The following SLC12A1 variants were observed in gnomAD, a reference collection of about 807,000 sequenced individuals.
The protein encoded by SLC12A1 is solute carrier family 12 member 1, also known as Na-K-2Cl cotransporter.
Under a neutral mutation model 130.4 loss-of-function variants are expected in SLC12A1, and 89 were observed. That is an observed-to-expected ratio of 0.68 (90% CI 0.58 to 0.81). SLC12A1 has a LOEUF of 0.81. Ranked by LOEUF, SLC12A1 falls within the 40% of genes least tolerant of loss-of-function variation. The probability of loss-of-function intolerance (pLI) is 0.00; values close to 1 mark genes in which losing one functional copy is unlikely to be tolerated. For missense variants in SLC12A1, 1,310 were observed against 1,336.4 expected (o/e 0.98, Z 0.31); for synonymous variants, 499 against 460.0 (o/e 1.08, Z -1.09).
intron 20 of SLC12A1, among the ~76,000 whole-genome samples, chr15:48,277,712 G>A (rs1218370211): frequency 2.0e-5 from 3 of 152,112 alleles, no homozygotes; most frequent in African/African-American, 7.2e-5. Flanking sequence ...AATTCTTAAG[G>A]GCTATTGCCT....
chr15:48,262,048 T>C (rs964742550), intron 17 of SLC12A1, among the ~76,000 whole-genome samples: 2 of 152,384 alleles, frequency 1.3e-5, no homozygotes, highest in Middle Eastern at 3.4e-3. Context: ...TTATTGTCAA[T>C]ATCATTATTT....
chr15:48,256,866 A>T (rs1023617517), intron 16 of SLC12A1, among the ~76,000 whole-genome samples: 11 of 123,332 alleles, frequency 8.9e-5, no homozygotes, highest in Non-Finnish European at 1.6e-4. Context: ...AAAACTAATC[A>T]TGCCTTCCCA....
Position 48,286,394 on chromosome 15 carries a change from T to C in SLC12A1, c.2629+1145T>C, listed in dbSNP as rs75329397. Among the ~76,000 whole-genome samples, 727 of 152,346 alleles carry C rather than the reference T, an allele frequency of 4.8e-3. 29 individuals are homozygous for C. In the East Asian group the frequency reaches 0.092, roughly 19 times the overall value. ...CAACTTGAAGCTACATCAGGACTTT[T>C]AGGGTGAAAATATTTAAATAAGACT... On this transcript the variant is annotated intron_variant, in intron 21 of 26. Coordinates refer to ENST00000380993, the MANE Select transcript of SLC12A1 (RefSeq NM_000338.3).
At chr15:48,226,105 T>A (rs1053179122) in intron 4 of SLC12A1, 3 of 197,502 alleles carry the variant, frequency 1.5e-5, no homozygotes, top group Non-Finnish European at 3.0e-5. Context: ...GGGGAAGGAT[T>A]TAACCTTTGT....
At chr15:48,281,580 G>A (rs1339774864) in intron 20 of SLC12A1, among the ~76,000 whole-genome samples, 6 of 152,158 alleles carry the variant, frequency 3.9e-5, no homozygotes, top group Non-Finnish European at 7.3e-5. Flanking sequence ...CTAGAATTGG[G>A]AGCAGAAGAC....
intron 9 of SLC12A1, among the ~76,000 whole-genome samples, chr15:48,241,105 T>TA (rs951634441): frequency 1.3e-5 from 2 of 151,886 alleles, no homozygotes; most frequent in Non-Finnish European, 2.9e-5. Context: ...AAGCTCAGTA[T>TA]AAAAAAAATA....
chr15:48,251,543 T>G, intron 14 of SLC12A1, 72 bp from the exon 15 acceptor site: 1 of 1,205,092 alleles, frequency 8.3e-7, no homozygotes, highest in South Asian at 1.2e-5. Flanking sequence ...GCATGTTACC[T>G]GCATTCTTCT....
Position 48,229,785 on chromosome 15 carries a change from G to A in SLC12A1, c.864+457G>A, listed in dbSNP as rs149799092. 7.6e-3 allele frequency among the ~76,000 whole-genome samples: 1,152 copies of A among 152,286 alleles called. 18 individuals carry two copies. The highest frequency in any genetic ancestry group is 0.037 in the Admixed American group (569 of 15,300). On this transcript the variant is annotated intron_variant, in intron 6 of 26. Transcript: ENST00000380993. ...GAAAACTAGCCATTTCCTAGTTTAGGTGCCTAGTCTAGGATGTCGCATGTG... is the reference window on the plus strand; with the variant it reads ...GAAAACTAGCCATTTCCTAGTTTAGATGCCTAGTCTAGGATGTCGCATGTG...
chr15:48,289,937 G>A (rs1459002272), intron 23 of SLC12A1, among the ~76,000 whole-genome samples: 2 of 152,012 alleles, frequency 1.3e-5, no homozygotes, highest in African/African-American at 2.4e-5. Flanking sequence ...TTCAAAGCTG[G>A]ACCTGGGAAT....
At chr15:48,252,438 T>G (rs1665812811) in intron 15 of SLC12A1, among the ~76,000 whole-genome samples, 1 of 152,174 alleles carries the variant, frequency 6.6e-6, no homozygotes, top group South Asian at 2.1e-4. Context: ...TTACATCACT[T>G]TCTGTTTCTG....
chr15:48,208,714 A>C (rs1567300262), intron 2 of SLC12A1, among the ~76,000 whole-genome samples: 2 of 152,196 alleles, frequency 1.3e-5, no homozygotes, highest in Non-Finnish European at 2.9e-5. Flanking sequence ...CTCAATTCAC[A>C]CTTGGTTAAA....
intron 16 of SLC12A1, 108 bp from the exon 17 acceptor site, chr15:48,259,092 A>T (rs560546529): frequency 8.5e-5 from 58 of 682,136 alleles, no homozygotes; most frequent in Admixed American, 5.3e-4. Context: ...GATAGGGGAG[A>T]GGTTGCCCCA....
At position 48,234,909 on chromosome 15, in the gene SLC12A1, T is replaced by C. The variant is rs1417542744; in HGVS notation, c.1120T>C (p.Phe374Leu). Residue 374 changes from phenylalanine to leucine, a missense_variant, in exon 9 of 27, where the codon TTC becomes CTC. Physicochemically the swap from Phe to Leu is conservative, Grantham distance 22. Transcript: ENST00000380993. The stretch of plus-strand genomic sequence containing the variant: ...ATTTGCAGAAAACTTTGGGCCACGC[T>C]TCACAAAGGGTGAAGGCTTCTTCTC... ...SIFAENFGPRFTKGEGFFSVF... is the reference protein window; with the variant it reads ...SIFAENFGPRLTKGEGFFSVF... 4 of 1,613,904 alleles carry C rather than the reference T, an allele frequency of 2.5e-6. No homozygotes were observed. The highest frequency in any genetic ancestry group is 3.4e-6 in the Non-Finnish European group (4 of 1,179,796).
chr15:48,218,579 TG>T (rs1238729542), intron 2 of SLC12A1, among the ~76,000 whole-genome samples: 1 of 152,162 alleles, frequency 6.6e-6, no homozygotes, highest in African/African-American at 2.4e-5. Context: ...ATAATAAATA[TG>T]GATGTTTATT....
intron 2 of SLC12A1, among the ~76,000 whole-genome samples, chr15:48,210,069 T>C (rs2041033957): frequency 6.6e-6 from 1 of 152,144 alleles, no homozygotes; most frequent in African/African-American, 2.4e-5. Flanking sequence ...GCGGTGTCAC[T>C]GTCCTTTTCT....
intron 4 of SLC12A1, chr15:48,222,645 T>C (rs895257506): frequency 1.3e-5 from 2 of 152,268 alleles, no homozygotes; most frequent in South Asian, 2.1e-4. Flanking sequence ...TAGTGAGTAC[T>C]AGAAACTTAT....
chr15:48,245,016 A>G (rs892730798), intron 11 of SLC12A1, 112 bp downstream of exon 11: 44 of 973,642 alleles, frequency 4.5e-5, no homozygotes, highest in Non-Finnish European at 6.8e-5. Context: ...ATAAGAATCC[A>G]GCATGGAATG....
chr15:48,282,544 C>T (rs2042018700), intron 20 of SLC12A1, among the ~76,000 whole-genome samples: 1 of 152,072 alleles, frequency 6.6e-6, no homozygotes. Context: ...ACAGTTGCCA[C>T]ATCAGAGGAC....
chr15:48,208,227 G>T, intron 2 of SLC12A1, 88 bp downstream of exon 2: 1 of 1,317,246 alleles, frequency 7.6e-7, no homozygotes, highest in Non-Finnish European at 1.0e-6. Flanking sequence ...GAATGAATGT[G>T]AAACAGTCAA....
Sources: gnomAD v4.1 joint callset for allele counts (sites outside exome capture counted in the v4.1 genomes callset) on GRCh38, gnomAD v4.1.1 for gene constraint, MANE v1.5 for transcripts, NCBI Gene and HGNC (gene_info 2026-07-23, HGNC 2026-07-21) for gene names.